KRABD5: variants seen among roughly 807,000 people sequenced by gnomAD.
KRABD5 encodes the protein KRAB domain-containing protein 5.
At chr16:31,753,812 A>G in the KRABD5 span, 1 of 1,545,856 alleles carries the variant, frequency 6.5e-7, no homozygotes, top group Non-Finnish European at 8.7e-7. Context: ...AGAAGCTTAT[A>G]GAAGCATCAT....
chr16:31,754,551 G>C, the KRABD5 span: 7 of 536,106 alleles, frequency 1.3e-5, no homozygotes, highest in Non-Finnish European at 2.5e-5. Context: ...CATTGCAAAC[G>C]TAAAAAATGT....
chr16:31,713,533 G>A, the KRABD5 span: 1 of 1,477,500 alleles, frequency 6.8e-7, no homozygotes, highest in Middle Eastern at 1.8e-4. Flanking sequence ...TGGGCCCTGA[G>A]TCCCCGCGGA....
the KRABD5 span, among the ~76,000 whole-genome samples, chr16:31,725,338 G>A: frequency 8.5e-5 from 13 of 152,094 alleles, no homozygotes; most frequent in African/African-American, 2.4e-4. Flanking sequence ...GGCTGGTCTC[G>A]AATTCCTGGC....
At chr16:31,724,415 C>T in the KRABD5 span, among the ~76,000 whole-genome samples, 3 of 151,750 alleles carry the variant, frequency 2.0e-5, no homozygotes, top group South Asian at 2.1e-4. Flanking sequence ...GGGCCGGGCG[C>T]GGTGGCTCAC....
chr16:31,729,090 G>A, the KRABD5 span, among the ~76,000 whole-genome samples: 4 of 152,064 alleles, frequency 2.6e-5, no homozygotes, highest in African/African-American at 7.2e-5. Flanking sequence ...TGTAAGTATA[G>A]CTACCCCTGC....
At chr16:31,723,302 A>G in the KRABD5 span, 1 of 1,614,004 alleles carries the variant, frequency 6.2e-7, no homozygotes, top group Non-Finnish European at 8.5e-7. Flanking sequence ...TTTGGAGCAA[A>G]GGAAAGAGCC....
chr16:31,733,924 G>A, the KRABD5 span, among the ~76,000 whole-genome samples: 3 of 152,166 alleles, frequency 2.0e-5, no homozygotes, highest in Admixed American at 2.0e-4. Flanking sequence ...CACGGATGTA[G>A]TACCATGTGT....
the KRABD5 span, among the ~76,000 whole-genome samples, chr16:31,747,749 C>A: frequency 0.13 from 20,290 of 152,168 alleles, 1,787 homozygotes; most frequent in South Asian, 0.32. Flanking sequence ...AGTGATGATG[C>A]GCATTTCTTC....
the KRABD5 span, chr16:31,755,398 T>C: frequency 2.0e-6 from 1 of 499,378 alleles, no homozygotes; most frequent in Non-Finnish European, 4.1e-6. Flanking sequence ...GTAAAGAATG[T>C]GGCAAAGCCT....
chr16:31,740,042 C>A, the KRABD5 span, among the ~76,000 whole-genome samples: 1 of 152,170 alleles, frequency 6.6e-6, no homozygotes, highest in Non-Finnish European at 1.5e-5. Context: ...TCTATAGAAA[C>A]AATGCTTATC....
the KRABD5 span, among the ~76,000 whole-genome samples, chr16:31,727,650 A>AT: frequency 5.3e-5 from 8 of 152,096 alleles, no homozygotes; most frequent in Admixed American, 1.3e-4. Context: ...TTCTCATTGG[A>AT]TTTTTTTATA....
chr16:31,730,929 AGTATT>A, the KRABD5 span, among the ~76,000 whole-genome samples: 1 of 152,020 alleles, frequency 6.6e-6, no homozygotes, highest in Non-Finnish European at 1.5e-5. Context: ...ATTTTGTTCA[AGTATT>A]GTATTATAAA....
chr16:31,721,188 G>A, the KRABD5 span, among the ~76,000 whole-genome samples: 2 of 152,160 alleles, frequency 1.3e-5, no homozygotes, highest in South Asian at 2.1e-4. Flanking sequence ...AACAGAAAAA[G>A]CCATCATCCA....
chr16:31,748,774 TG>T, the KRABD5 span, among the ~76,000 whole-genome samples: 1 of 152,310 alleles, frequency 6.6e-6, no homozygotes, highest in South Asian at 2.1e-4. Flanking sequence ...ATGGGGTTTT[TG>T]TGGGAGTTTT....
chr16:31,727,583 A>G, the KRABD5 span, among the ~76,000 whole-genome samples: 2 of 152,158 alleles, frequency 1.3e-5, no homozygotes, highest in African/African-American at 4.8e-5. Context: ...ATGGACATTA[A>G]TTCATCTTTA....
chr16:31,755,387 T>C, the KRABD5 span: 1 of 501,768 alleles, frequency 2.0e-6, no homozygotes, highest in South Asian at 1.5e-5. Context: ...ACCCTACATA[T>C]GTAAAGAATG....
chr16:31,717,800 T>G, the KRABD5 span, among the ~76,000 whole-genome samples: 1 of 152,172 alleles, frequency 6.6e-6, no homozygotes, highest in Non-Finnish European at 1.5e-5. Context: ...AGAGGGGATG[T>G]TCCCTCTAAG....
At chr16:31,722,868 G>A in the KRABD5 span, 2 of 1,153,278 alleles carry the variant, frequency 1.7e-6, no homozygotes, top group Non-Finnish European at 2.2e-6. Flanking sequence ...TCAGATTCCT[G>A]TTTCCAGGAA....
chr16:31,713,576 G>T, the KRABD5 span: 1 of 1,279,174 alleles, frequency 7.8e-7, no homozygotes, highest in Non-Finnish European at 1.1e-6. Context: ...TCCGCCGCAA[G>T]ATGGCGGCCG....
Sources: gnomAD v4.1 joint callset for allele counts (sites outside exome capture counted in the v4.1 genomes callset) on GRCh38, gnomAD v4.1.1 for gene constraint, MANE v1.5 for transcripts, NCBI Gene and HGNC (gene_info 2026-07-23, HGNC 2026-07-21) for gene names.